Variants in SUMF1 observed in about 807,000 individuals in gnomAD.
The protein encoded by SUMF1 is sulfatase modifying factor 1.
In SUMF1, 48 loss-of-function variants were observed where a neutral mutation model predicts 47.6. The ratio of observed to expected loss-of-function variants is 1.01; its 90% CI spans 0.80 to 1.28. SUMF1 has a LOEUF of 1.28. SUMF1 is among the 50% of genes most tolerant of loss of function. The probability of loss-of-function intolerance (pLI) is 0.00; values close to 1 mark genes in which losing one functional copy is unlikely to be tolerated. For synonymous variants in SUMF1, 230 were observed against 192.1 expected (o/e 1.20, Z -1.63); for missense variants, 571 against 485.4 (o/e 1.18, Z -1.66).
At chr3:4,291,122 T>C (rs769720856) in intron 8 of SUMF1, among the ~76,000 whole-genome samples, 1 of 152,140 alleles carries the variant, frequency 6.6e-6, no homozygotes, top group Non-Finnish European at 1.5e-5. Flanking sequence ...CGCCAAATAT[T>C]ATAATAACTA....
chr3:4,061,888 C>A (rs1695281822), intron 9 of SUMF1, among the ~76,000 whole-genome samples: 1 of 152,062 alleles, frequency 6.6e-6, no homozygotes, highest in Non-Finnish European at 1.5e-5. Flanking sequence ...TGTAAGGAGG[C>A]CGCTTTAGGC....
At chr3:4,297,564 A>ATTTTTTTT (rs746612402) in intron 8 of SUMF1, among the ~76,000 whole-genome samples, 1 of 113,856 alleles carries the variant, frequency 8.8e-6, no homozygotes, top group East Asian at 2.6e-4. Context: ...CTACACCTGA[A>ATTTTTTTT]TTTTTTTTTT....
chr3:4,407,189 G>C (rs557373207), intron 7 of SUMF1, among the ~76,000 whole-genome samples: 6 of 152,066 alleles, frequency 3.9e-5, no homozygotes, highest in African/African-American at 1.4e-4. Flanking sequence ...AGCACACATG[G>C]CTGTTTCCAC....
At chr3:4,457,051 C>CGTGT (rs1441427682) in intron 1 of SUMF1, among the ~76,000 whole-genome samples, 1,162 of 65,382 alleles carry the variant, frequency 0.018, 46 homozygotes, top group African/African-American at 0.054. Context: ...TATATATATA[C>CGTGT]GTGTGTGTAT....
chr3:4,224,431 A>G (rs1187166203), intron 8 of SUMF1, among the ~76,000 whole-genome samples: 1 of 152,040 alleles, frequency 6.6e-6, no homozygotes, highest in Admixed American at 6.6e-5. Context: ...TATTTTCCCC[A>G]TCTCTTATTT....
At chr3:4,350,250 CT>C (rs1699465700) in intron 8 of SUMF1, among the ~76,000 whole-genome samples, 1 of 151,866 alleles carries the variant, frequency 6.6e-6, no homozygotes, top group African/African-American at 2.4e-5. Flanking sequence ...TTTCAAACTC[CT>C]GACCTCGTGA....
intron 3 of SUMF1, among the ~76,000 whole-genome samples, chr3:4,431,846 C>A (rs977124158): frequency 6.6e-5 from 10 of 152,152 alleles, no homozygotes; most frequent in African/African-American, 2.4e-4. Context: ...AAGAGCATCC[C>A]ATTTCGCTGT....
chr3:4,324,585 A>C (rs946242565), intron 8 of SUMF1, among the ~76,000 whole-genome samples: 3 of 152,230 alleles, frequency 2.0e-5, no homozygotes, highest in Non-Finnish European at 4.4e-5. Context: ...TACATTTTAC[A>C]TGTGAAAAGT....
intron 8 of SUMF1, among the ~76,000 whole-genome samples, chr3:4,282,186 T>G (rs1697542651): frequency 6.6e-6 from 1 of 152,138 alleles, no homozygotes; most frequent in Non-Finnish European, 1.5e-5. Flanking sequence ...ATCCCTATTA[T>G]CATTTTGTTA....
chr3:4,421,135 G>T (rs1701885234), intron 3 of SUMF1, among the ~76,000 whole-genome samples: 1 of 152,160 alleles, frequency 6.6e-6, no homozygotes, highest in Admixed American at 6.5e-5. Context: ...CTCATTTAGT[G>T]AGTGGTTTAG....
downstream of SUMF1, among the ~76,000 whole-genome samples, chr3:4,360,329 T>C (rs1231024157): frequency 6.6e-6 from 1 of 151,602 alleles, no homozygotes; most frequent in Non-Finnish European, 1.5e-5. Context: ...ACTTTTTTTT[T>C]TTTTTCTTTT....
chr3:4,449,119 G>A, intron 3 of SUMF1, 147 bp downstream of exon 3: 4 of 869,852 alleles, frequency 4.6e-6, no homozygotes, highest in Non-Finnish European at 7.9e-6. Flanking sequence ...CCTGGTCCAT[G>A]GGCCTATTAT....
At chr3:4,128,761 C>T (rs766763254) in intron 8 of SUMF1, among the ~76,000 whole-genome samples, 38 of 151,906 alleles carry the variant, frequency 2.5e-4, no homozygotes, top group Non-Finnish European at 3.5e-4. Context: ...GGAGAACGGG[C>T]ATGGGAATGG....
chr3:4,417,472 C>A (rs533241689), intron 5 of SUMF1, among the ~76,000 whole-genome samples: 4 of 152,286 alleles, frequency 2.6e-5, no homozygotes, highest in African/African-American at 9.6e-5. Flanking sequence ...ACTCAGGAGG[C>A]CTGAAATAAA....
At chr3:4,401,722 A>G (rs956028414) in intron 7 of SUMF1, among the ~76,000 whole-genome samples, 4 of 152,230 alleles carry the variant, frequency 2.6e-5, no homozygotes, top group Admixed American at 6.5e-5. Flanking sequence ...CACAGCAGAA[A>G]GAACTTTACT....
chr3:4,078,974 G>A (rs977469429), intron 8 of SUMF1, among the ~76,000 whole-genome samples: 1 of 152,078 alleles, frequency 6.6e-6, no homozygotes, highest in African/African-American at 2.4e-5. Flanking sequence ...ACTTGGCAAT[G>A]TTTTGCTAAA....
intron 8 of SUMF1, among the ~76,000 whole-genome samples, chr3:4,179,065 T>G (rs2266420): frequency 0.24 from 36,241 of 152,110 alleles, 5,310 homozygotes; most frequent in East Asian, 0.4. Flanking sequence ...TGGAAGAATG[T>G]TCTATGCTCA....
chr3:4,071,510 A>G (rs1574857078), intron 8 of SUMF1, among the ~76,000 whole-genome samples: 1 of 152,236 alleles, frequency 6.6e-6, no homozygotes, highest in African/African-American at 2.4e-5. Context: ...TGCCTGGCTC[A>G]GCAGGTCCCA....
intron 8 of SUMF1, among the ~76,000 whole-genome samples, chr3:4,202,419 T>C (rs932173602): frequency 2.0e-5 from 3 of 152,014 alleles, no homozygotes; most frequent in African/African-American, 7.2e-5. Context: ...ATTGTAGATG[T>C]TTATGGTTGT....
Sources: gnomAD v4.1 joint callset for allele counts (sites outside exome capture counted in the v4.1 genomes callset) on GRCh38, gnomAD v4.1.1 for gene constraint, MANE v1.5 for transcripts, NCBI Gene and HGNC (gene_info 2026-07-23, HGNC 2026-07-21) for gene names.